The following MIS18A variants were observed in gnomAD, a reference collection of about 807,000 sequenced individuals.
The protein encoded by MIS18A is MIS18 kinetochore protein A.
In MIS18A, 14 loss-of-function variants were observed where a neutral mutation model predicts 25.0. That is an observed-to-expected ratio of 0.56 (90% CI 0.37 to 0.88). The LOEUF is 0.88. Among genes scored for constraint, MIS18A ranks in the 40% least tolerant of loss-of-function variants. The pLI is 0.00. For synonymous variants in MIS18A, 134 were observed against 118.6 expected, an observed-to-expected ratio of 1.13 and a Z score of -0.84; for missense variants, 292 against 290.8, an observed-to-expected ratio of 1.00 and a Z score of -0.03.
the MIS18A span, among the ~76,000 whole-genome samples, chr21:32,247,511 G>C: frequency 6.6e-6 from 1 of 152,170 alleles, no homozygotes; most frequent in South Asian, 2.1e-4. Flanking sequence ...ATTGTTTTGG[G>C]CTGAATTGTG....
the MIS18A span, among the ~76,000 whole-genome samples, chr21:32,200,923 C>T: frequency 5.3e-5 from 8 of 152,114 alleles, 1 homozygote; most frequent in Admixed American, 3.9e-4. Context: ...CAGAGGATGA[C>T]GAAGTCAACC....
the MIS18A span, among the ~76,000 whole-genome samples, chr21:32,230,508 G>A: frequency 7.9e-5 from 12 of 152,158 alleles, no homozygotes; most frequent in Non-Finnish European, 4.4e-5. Context: ...CTGCCATCAC[G>A]TAGACTAAAT....
At chr21:32,211,630 C>A in the MIS18A span, among the ~76,000 whole-genome samples, 3 of 152,202 alleles carry the variant, frequency 2.0e-5, no homozygotes, top group Non-Finnish European at 2.9e-5. Context: ...CCTAGGCATG[C>A]AACCCATGAT....
intron 1 of MIS18A, chr21:32,278,474 C>T (rs1452114928): frequency 8.8e-6 from 5 of 569,988 alleles, no homozygotes; most frequent in Non-Finnish European, 1.5e-5. Flanking sequence ...GATCGGGGAC[C>T]CCAGAAAAGA....
At chr21:32,231,068 T>C in the MIS18A span, among the ~76,000 whole-genome samples, 1 of 151,260 alleles carries the variant, frequency 6.6e-6, no homozygotes, top group Non-Finnish European at 1.5e-5. Flanking sequence ...AACCCCCGTC[T>C]CTAACAAAAA....
At chr21:32,260,414 C>A in the MIS18A span, 1 of 152,298 alleles carries the variant, frequency 6.6e-6, no homozygotes, top group Non-Finnish European at 1.5e-5. Flanking sequence ...AGAGAGTACA[C>A]AGGGCATATC....
chr21:32,174,067 C>T, the MIS18A span, among the ~76,000 whole-genome samples: 4 of 146,970 alleles, frequency 2.7e-5, no homozygotes, highest in Admixed American at 7.0e-5. Context: ...CGGGTTCAAG[C>T]GATTCTCCTA....
At chr21:32,194,463 C>A in the MIS18A span, among the ~76,000 whole-genome samples, 3 of 152,124 alleles carry the variant, frequency 2.0e-5, no homozygotes, top group East Asian at 5.8e-4. Context: ...AGTTCAAGAC[C>A]AGCCTGGCCA....
At chr21:32,244,050 A>T in the MIS18A span, among the ~76,000 whole-genome samples, 1 of 152,244 alleles carries the variant, frequency 6.6e-6, no homozygotes, top group Non-Finnish European at 1.5e-5. Context: ...ATTGTAATAC[A>T]TCCATACAAT....
rs202138662 is a variant in MIS18A, at chr21:32,268,941, T to C, written c.*96A>G. On this transcript the variant is annotated 3_prime_UTR_variant, in exon 5 of 5. Transcript: ENST00000290130. ...GCATGCCTGGCTAATTTTTTTTTTC[T>C]TTTTTTTTTTGTAGAGACGACGTCT... 6,451 of 462,432 alleles carry C rather than the reference T, an allele frequency of 0.014. 8 individuals carry two copies. The highest frequency in any genetic ancestry group is 0.019 in the East Asian group (371 of 19,060). 28.6% of individuals were successfully genotyped at this position (462,432 alleles called of 1,614,324 possible). A position where few individuals can be genotyped will look rare whatever the true frequency, so the allele number is the denominator to read the frequency against.
At chr21:32,201,280 C>T in the MIS18A span, among the ~76,000 whole-genome samples, 1 of 151,476 alleles carries the variant, frequency 6.6e-6, no homozygotes, top group Non-Finnish European at 1.5e-5. Flanking sequence ...CCTCCAACAT[C>T]GGAGCCGACC....
chr21:32,266,623 G>C (rs7275765), downstream of MIS18A, among the ~76,000 whole-genome samples: 1 of 151,262 alleles, frequency 6.6e-6, no homozygotes, highest in African/African-American at 2.4e-5. Flanking sequence ...CACTCACCGC[G>C]AAGGTCTGCA....
chr21:32,235,461 C>A, the MIS18A span, among the ~76,000 whole-genome samples: 5 of 152,170 alleles, frequency 3.3e-5, no homozygotes, highest in African/African-American at 9.7e-5. Flanking sequence ...TTTCAATAAA[C>A]CCAGTGCATC....
chr21:32,168,113 A>G, the MIS18A span, among the ~76,000 whole-genome samples: 6 of 152,126 alleles, frequency 3.9e-5, no homozygotes, highest in Non-Finnish European at 8.8e-5. Flanking sequence ...GAGATGATCA[A>G]TCTCTCTCTA....
chr21:32,172,865 C>A, the MIS18A span, among the ~76,000 whole-genome samples: 1 of 152,192 alleles, frequency 6.6e-6, no homozygotes, highest in African/African-American at 2.4e-5. Context: ...GGGAAATTGT[C>A]TTTTCAACAA....
At chr21:32,211,454 C>T in the MIS18A span, among the ~76,000 whole-genome samples, 1 of 152,256 alleles carries the variant, frequency 6.6e-6, no homozygotes, top group Non-Finnish European at 1.5e-5. Flanking sequence ...TGACATGCAT[C>T]CCCTGCCAGC....
chr21:32,182,036 G>T, the MIS18A span, among the ~76,000 whole-genome samples: 5 of 152,350 alleles, frequency 3.3e-5, no homozygotes, highest in African/African-American at 1.2e-4. Flanking sequence ...AGGGTCTGAT[G>T]CATAGTGAGG....
the MIS18A span, among the ~76,000 whole-genome samples, chr21:32,230,489 T>C: frequency 6.6e-6 from 1 of 152,306 alleles, no homozygotes; most frequent in Admixed American, 6.5e-5. Flanking sequence ...GTTAACAGTA[T>C]TGCTATCACT....
At chr21:32,218,973 CAAGA>C in the MIS18A span, among the ~76,000 whole-genome samples, 3 of 149,098 alleles carry the variant, frequency 2.0e-5, no homozygotes, top group Admixed American at 6.8e-5. Context: ...GAGGCTGAGG[CAAGA>C]AAATTGCTCG....
Sources: allele counts gnomAD v4.1 joint callset (sites outside exome capture counted in the v4.1 genomes callset), GRCh38; gene constraint gnomAD v4.1.1; transcripts MANE v1.5; gene names NCBI Gene and HGNC (gene_info 2026-07-23, HGNC 2026-07-21).